The following LUZP2 variants were observed in gnomAD, a reference collection of about 807,000 sequenced individuals.
The protein encoded by LUZP2 is leucine zipper protein 2.
A neutral mutation model predicts 51.6 loss-of-function variants in LUZP2; 52 were observed. The observed-to-expected ratio is 1.01, with a 90% confidence interval of 0.81 to 1.27. The LOEUF is 1.27. Among genes scored for constraint, LUZP2 ranks in the 50% most tolerant of loss-of-function variants. The pLI, the probability that LUZP2 is intolerant of heterozygous loss-of-function variation, is 0.00. For synonymous variants in LUZP2, 154 were observed against 137.3 expected, an observed-to-expected ratio of 1.12 and a Z score of -0.85; for missense variants, 436 against 395.4, an observed-to-expected ratio of 1.10 and a Z score of -0.87.
chr11:24,987,535 A>T (rs567433197), intron 9 of LUZP2, among the ~76,000 whole-genome samples: 56 of 152,044 alleles, frequency 3.7e-4, no homozygotes, highest in Non-Finnish European at 7.1e-4. Context: ...TTTTCTTTTC[A>T]ACTCACTGCC....
intron 1 of LUZP2, among the ~76,000 whole-genome samples, chr11:24,628,596 T>A (rs1274104108): frequency 6.6e-6 from 1 of 152,154 alleles, no homozygotes; most frequent in Non-Finnish European, 1.5e-5. Flanking sequence ...AGTCTCGCTC[T>A]CTCCCAGGCT....
chr11:24,748,421 C>T (rs929348514), intron 4 of LUZP2, among the ~76,000 whole-genome samples: 1 of 151,876 alleles, frequency 6.6e-6, no homozygotes, highest in Non-Finnish European at 1.5e-5. Context: ...TCTGCGGGAG[C>T]AGTTTGCTTC....
At chr11:24,710,846 A>G (rs1009183438) in intron 1 of LUZP2, among the ~76,000 whole-genome samples, 1 of 151,910 alleles carries the variant, frequency 6.6e-6, no homozygotes, top group African/African-American at 2.4e-5. Flanking sequence ...GTCATTTCTG[A>G]TATTCAAGCA....
At chr11:24,956,224 G>C (rs1590770761) in intron 7 of LUZP2, among the ~76,000 whole-genome samples, 1 of 151,860 alleles carries the variant, frequency 6.6e-6, no homozygotes, top group East Asian at 2.0e-4. Flanking sequence ...GATTGGGTCA[G>C]TGCAAGCAGA....
At chr11:24,526,080 ATTCT>A (rs1192799294) in intron 1 of LUZP2, among the ~76,000 whole-genome samples, 2 of 151,250 alleles carry the variant, frequency 1.3e-5, no homozygotes, top group African/African-American at 2.4e-5. Context: ...TTGTTCATTC[ATTCT>A]TTCTTTCTGC....
At chr11:24,952,899 T>C (rs1565151779) in intron 7 of LUZP2, among the ~76,000 whole-genome samples, 1 of 151,916 alleles carries the variant, frequency 6.6e-6, no homozygotes, top group Non-Finnish European at 1.5e-5. Flanking sequence ...AAGAGCTCTT[T>C]GGCCCATCTC....
intron 5 of LUZP2, among the ~76,000 whole-genome samples, chr11:24,853,343 G>T (rs1323346259): frequency 6.6e-6 from 1 of 151,840 alleles, no homozygotes; most frequent in African/African-American, 2.4e-5. Context: ...GCTTAGTTTT[G>T]CTGGATATAA....
chr11:24,600,174 AACACACACACAC>A (rs61439379), intron 1 of LUZP2, among the ~76,000 whole-genome samples: 35,941 of 144,184 alleles, frequency 0.25, 4,476 homozygotes, highest in Admixed American at 0.3. Flanking sequence ...TGTAGATTAC[AACACACACACAC>A]ACACACACAC....
chr11:24,999,717 T>G (rs778030560), intron 9 of LUZP2, among the ~76,000 whole-genome samples: 1 of 152,168 alleles, frequency 6.6e-6, no homozygotes, highest in Non-Finnish European at 1.5e-5. Context: ...TTCTAAGCAC[T>G]TCTCACAAAT....
chr11:24,755,768 G>A (rs1859749727), intron 4 of LUZP2, among the ~76,000 whole-genome samples: 1 of 152,098 alleles, frequency 6.6e-6, no homozygotes, highest in Non-Finnish European at 1.5e-5. Flanking sequence ...TAGCAATTAA[G>A]AAGCAACATT....
chr11:24,970,363 T>C (rs1855708708), intron 7 of LUZP2, among the ~76,000 whole-genome samples: 1 of 152,212 alleles, frequency 6.6e-6, no homozygotes, highest in African/African-American at 2.4e-5. Flanking sequence ...TAATGTGAAA[T>C]TGTCTCACAT....
At chr11:24,672,676 G>A (rs1028446661) in intron 1 of LUZP2, among the ~76,000 whole-genome samples, 64 of 152,236 alleles carry the variant, frequency 4.2e-4, no homozygotes, top group Middle Eastern at 3.4e-3. Context: ...ATGGGATTTC[G>A]TCCTTGTGCA....
intron 1 of LUZP2, among the ~76,000 whole-genome samples, chr11:24,619,900 C>A (rs1854436505): frequency 6.6e-6 from 1 of 152,000 alleles, no homozygotes; most frequent in African/African-American, 2.4e-5. Flanking sequence ...GGGTATAGAA[C>A]CTGCAGATAA....
At chr11:25,074,248 A>G (rs1210925859) in intron 10 of LUZP2, among the ~76,000 whole-genome samples, 1 of 152,186 alleles carries the variant, frequency 6.6e-6, no homozygotes, top group Non-Finnish European at 1.5e-5. Flanking sequence ...CTATAAGTTT[A>G]GTAAAAGGCT....
intron 5 of LUZP2, among the ~76,000 whole-genome samples, chr11:24,787,672 A>G (rs1176697570): frequency 6.6e-6 from 1 of 152,128 alleles, no homozygotes; most frequent in Non-Finnish European, 1.5e-5. Flanking sequence ...TTTCTATGCA[A>G]GATTTTTTAT....
At chr11:24,735,023 CAATT>C (rs1250493277) in intron 3 of LUZP2, among the ~76,000 whole-genome samples, 9 of 151,928 alleles carry the variant, frequency 5.9e-5, no homozygotes, top group South Asian at 2.1e-4. Context: ...AAAAACCAAT[CAATT>C]AGTGTCTCCC....
intron 9 of LUZP2, 152 bp from the exon 10 acceptor site, chr11:25,049,886 A>G (rs4567409): frequency 0.42 from 162,018 of 382,650 alleles, 37,347 homozygotes; most frequent in Non-Finnish European, 0.49. Context: ...TCTGATATAT[A>G]CAAATTTCCA....
chr11:25,035,530 A>AT (rs1159838664), intron 9 of LUZP2, among the ~76,000 whole-genome samples: 1 of 152,092 alleles, frequency 6.6e-6, no homozygotes, highest in African/African-American at 2.4e-5. Context: ...ATGAAAAAAA[A>AT]CCAGGTATGA....
intron 1 of LUZP2, among the ~76,000 whole-genome samples, chr11:24,580,683 T>TTAATGTTCA (rs1318276797): frequency 6.6e-6 from 1 of 152,166 alleles, no homozygotes; most frequent in Non-Finnish European, 1.5e-5. Context: ...TATTCAATAC[T>TTAATGTTCA]TAATGTTCAT....
Sources: gnomAD v4.1 joint callset for allele counts (sites outside exome capture counted in the v4.1 genomes callset) on GRCh38, gnomAD v4.1.1 for gene constraint, MANE v1.5 for transcripts, NCBI Gene and HGNC (gene_info 2026-07-23, HGNC 2026-07-21) for gene names.